The following BAG6 variants were observed in gnomAD, a reference collection of about 807,000 sequenced individuals.
BAG6 encodes BAG cochaperone 6, also known as large proline-rich protein BAG6.
Under a neutral mutation model 121.0 loss-of-function variants are expected in BAG6, and 22 were observed. The observed-to-expected ratio is 0.18, with a 90% CI of 0.13 to 0.26. The LOEUF is 0.26. Among genes scored for constraint, BAG6 ranks in the 10% least tolerant of loss-of-function variants. The pLI is 1.00. For synonymous variants in BAG6, 583 were observed against 584.6 expected, an observed-to-expected ratio of 1.00 and a Z score of 0.04; for missense variants, 1,233 against 1,537.7, an observed-to-expected ratio of 0.80 and a Z score of 3.31.
chr6:31,644,127 C>T lies in BAG6; in HGVS notation c.1623G>A (p.Gln541=). 6.2e-7 allele frequency: 1 copy of T among 1,614,094 alleles called. No individual in the cohort carries two copies. Among genetic ancestry groups the T allele is most frequent in the Non-Finnish European group, 8.5e-7 (1 of 1,179,978 alleles). Residue 541 remains glutamine, a synonymous_variant, in exon 13 of 26, where the codon CAG becomes CAA. Transcript: ENST00000676615. This position sits in a 1 kb window ranked among gnomAD's most constrained non-coding sequence, Gnocchi z 4.9. The part of the protein sequence containing the change: ...RVVIARPTPP[Q]ARPSHPGGPP... ...GCCCTCCAGGATGGGAAGGCCGAGC[C>T]TGTGGAGGAGTGGGCCGGGCAATCA... is the stretch of plus-strand genomic sequence containing the variant.
chr6:31,642,184 T>G lies in BAG6; in HGVS notation c.2263A>C (p.Ser755Arg). The G allele has an allele frequency of 6.2e-7, 1 of 1,612,924 alleles. No individual in the cohort carries two copies. Among genetic ancestry groups the G allele is most frequent in the Non-Finnish European group, 8.5e-7 (1 of 1,180,002 alleles). ...AGGCGTTGTATGAAGGCAGCAATACTTTCACTGCTGCCAGCCCGAGCCCCC... is the reference window on the plus strand; with the variant it reads ...AGGCGTTGTATGAAGGCAGCAATACGTTCACTGCTGCCAGCCCGAGCCCCC... ...SLGARAGSSE[S>R]IAAFIQRLSG... Residue 755 changes from serine to arginine, a missense_variant, in exon 16 of 26, where the codon AGT (serine) becomes CGT (arginine). By Grantham distance (110) the Ser-to-Arg change is moderately radical. Transcript: ENST00000676615.
At position 31,649,408 on chromosome 6, in the gene BAG6, A is replaced by C; in HGVS notation, c.227-13T>G. ...TTTCCCCCAACATCTGCAGAAAAATAGACACACACCAAAACATAGTATGAA... is the reference window on the plus strand; with the variant it reads ...TTTCCCCCAACATCTGCAGAAAAATCGACACACACCAAAACATAGTATGAA... On this transcript the variant is annotated splice_polypyrimidine_tract_variant and intron_variant, in intron 3 of 25. Coordinates refer to ENST00000676615, the MANE Select transcript of BAG6 (RefSeq NM_001387994.1). 1 of 1,603,702 alleles carries C rather than the reference A, an allele frequency of 6.2e-7. No individual in the cohort carries two copies. The highest frequency in any genetic ancestry group is 1.1e-5 in the South Asian group (1 of 90,054).
At chr6:31,648,604 G>A (rs1249028674) in intron 6 of BAG6, 73 bp downstream of exon 6, 1 of 1,456,134 alleles carries the variant, frequency 6.9e-7, no homozygotes, top group Non-Finnish European at 9.6e-7. Flanking sequence ...GGCCAGTGAA[G>A]CCCTAACTCC....
In BAG6 at chr6:31,652,453, G is replaced by A. The variant is rs1324303087; in HGVS notation, c.-43C>T. Reference sequence around the variant, plus strand: ...CACCGACGGCCACTTCCGTTTCCCCGATAGTATTTGGGGATCTCGAAGCGA... The same window carrying A: ...CACCGACGGCCACTTCCGTTTCCCCAATAGTATTTGGGGATCTCGAAGCGA... On this transcript the variant is annotated 5_prime_UTR_variant, in exon 1 of 26. Transcript: ENST00000676615. 6.6e-6 allele frequency: 1 copy of A among 151,962 alleles called. No homozygotes were observed. Among genetic ancestry groups the A allele is most frequent in the Non-Finnish European group, 1.5e-5 (1 of 68,104 alleles). 9.4% of individuals were successfully genotyped at this position (151,962 alleles called of 1,614,324 possible). A position where few individuals can be genotyped will look rare whatever the true frequency, so the allele number is the denominator to read the frequency against.
chr6:31,642,366 G>A lies in BAG6; in HGVS notation c.2081C>T (p.Pro694Leu), dbSNP rs1252103698. ...CTGCTCTGGGGCAGGTGGTGGGGGT[G>A]GAGGAGGTGGGGGTGGTGGAGGGGC... is the stretch of plus-strand genomic sequence containing the variant. ...QTAPPPPPPP[P>L]PPPPAPEQQT... Residue 694 changes from proline to leucine, a missense_variant, in exon 16 of 26, where the codon CCA (proline) becomes CTA (leucine). Around this residue, in one of 7 missense-constraint regions of BAG6, gnomAD observed 777 missense variants for 861.4 expected, o/e 0.90. Transcript: ENST00000676615. The A allele has an allele frequency of 2.7e-6, 3 of 1,117,812 alleles. No individual in the cohort carries two copies. The highest frequency in any genetic ancestry group is 3.9e-6 in the Non-Finnish European group (3 of 775,560). The allele number at this position is 1,117,812 out of a possible 1,614,324, so 69.2% of individuals were successfully genotyped here.
chr6:31,647,643 G>C lies in BAG6; in HGVS notation c.736C>G (p.Pro246Ala), dbSNP rs1791293884. Residue 246 changes from proline to alanine, a missense_variant, in exon 7 of 26, where the codon CCT (proline) becomes GCT (alanine). Transcript: ENST00000676615. ...RAPAQNPELT[P>A]GPAPAGPTPA... ...GTTGGGCCCGCTGGGGCTGGGCCAG[G>C]AGTGAGCTCCGGGTTCTGGGCTGGG... is the stretch of plus-strand genomic sequence containing the variant. The C allele has an allele frequency of 1.9e-6, 3 of 1,606,318 alleles. No individual in the cohort carries two copies. Among genetic ancestry groups the C allele is most frequent in the South Asian group, 2.2e-5 (2 of 90,050 alleles).
intron 15 of BAG6, 21 bp downstream of exon 15, chr6:31,642,808 A>C (rs745549163): frequency 1.2e-6 from 2 of 1,607,198 alleles, no homozygotes; most frequent in Non-Finnish European, 1.7e-6. Flanking sequence ...AGATGAGGTG[A>C]ATGGCAAGCC....
rs190002400 is a variant in BAG6, at chr6:31,646,896, C to A, written c.789-373G>T. On this transcript the variant is annotated intron_variant, in intron 7 of 25. Coordinates refer to ENST00000676615, the MANE Select transcript of BAG6 (RefSeq NM_001387994.1). ...TCACACCATTCTCCTGACTCAGCCT[C>A]CCGAGTAGCTGGGACTACAGGTGCC... Among the ~76,000 whole-genome samples the A allele has an allele frequency of 2.8e-4, 42 of 151,358 alleles. No individual in the cohort carries two copies. In the East Asian group the frequency reaches 7.5e-3, roughly 27 times the overall value.
At position 31,642,416 on chromosome 6, in the gene BAG6, GAAA is replaced by G. The variant is rs1449357238; in HGVS notation, c.2044-16_2044-14del. On this transcript the variant is annotated splice_polypyrimidine_tract_variant and intron_variant, in intron 15 of 25. Transcript: ENST00000676615. ...CTGTCTGTGTTGCCTGGCAAATAAA[GAAA>G]GAACAAAGAACAGAAAGTGAGGTGA... 1.0e-5 allele frequency: 3 copies of G among 292,964 alleles called. No individual in the cohort carries two copies. The African/African-American group carries it at 1.1e-4, about 10-fold the overall frequency. The allele number at this position is 292,964 out of a possible 1,614,324, so 18.1% of individuals were successfully genotyped here. A position where few individuals can be genotyped will look rare whatever the true frequency, so the allele number is the denominator to read the frequency against.
Position 31,642,905 on chromosome 6 carries a change from C to A in BAG6, c.1967G>T (p.Gly656Val), listed in dbSNP as rs766737413. Reference sequence around the variant, plus strand: ...CACAGTGATGGTGGGAGAAGCCACACCAGACCCTCCAGCCCCTGGCCCTGC... The same window carrying A: ...CACAGTGATGGTGGGAGAAGCCACAACAGACCCTCCAGCCCCTGGCCCTGC... Reference protein sequence around the residue: ...GPAGPGAGGSGVASPTITVAM... With the variant: ...GPAGPGAGGSVVASPTITVAM... Residue 656 changes from glycine to valine, a missense_variant, in exon 15 of 26, where the codon GGT becomes GTT. Coordinates refer to ENST00000676615, the MANE Select transcript of BAG6 (RefSeq NM_001387994.1). 4 of 1,611,422 alleles carry A rather than the reference C, an allele frequency of 2.5e-6. No homozygotes were observed. The highest frequency in any genetic ancestry group is 2.2e-5 in the East Asian group (1 of 44,784).
intron 24 of BAG6, 115 bp from the exon 25 acceptor site, chr6:31,639,761 G>GA (rs1780667173): frequency 8.0e-7 from 1 of 1,252,552 alleles, no homozygotes; most frequent in Non-Finnish European, 1.1e-6. Context: ...CTAGTGGAGA[G>GA]AGGGGAAATT....
At chr6:31,647,462 G>T in intron 7 of BAG6, 129 bp downstream of exon 7, 2 of 1,348,756 alleles carry the variant, frequency 1.5e-6, no homozygotes, top group Non-Finnish European at 2.0e-6. Flanking sequence ...GCCCCTCCTC[G>T]CCCCTCAATG....
chr6:31,640,586 C>G lies in BAG6; in HGVS notation c.2995-58G>C. The G allele has an allele frequency of 6.2e-7, 1 of 1,612,666 alleles. No homozygotes were observed. ...CAGAATTTTTAGCCTCCAAACCTTT[C>G]TCCCCCAGCCCTCCACTCCACATTA... On this transcript the variant is annotated intron_variant, in intron 22 of 25. Coordinates refer to ENST00000676615, the MANE Select transcript of BAG6 (RefSeq NM_001387994.1). The surrounding 1 kb of genome is among the most constrained non-coding windows in gnomAD (Gnocchi z 4.2).
At position 31,640,238 on chromosome 6, in the gene BAG6, A is replaced by G. The variant is rs1288362521; in HGVS notation, c.3207T>C (p.Ser1069=). ...CAGGCATACCACTGAGGTAGGCATC[A>G]CTCAGAGGGGGCTGCGGTTTCACCT... ...QRKVKPQPPL[S]DAYLSGMPAK... is the part of the protein sequence containing the mutation. Residue 1069 remains serine (S), a synonymous_variant, in exon 24 of 26, where the codon AGT becomes AGC. Transcript: ENST00000676615. The surrounding 1 kb of genome is among the most constrained non-coding windows in gnomAD (Gnocchi z 4.2). The G allele has an allele frequency of 2.5e-6, 4 of 1,614,188 alleles. No homozygotes were observed. Among genetic ancestry groups the G allele is most frequent in the Non-Finnish European group, 3.4e-6 (4 of 1,180,024 alleles).
chr6:31,645,146 G>T lies in BAG6; in HGVS notation c.1169C>A (p.Pro390Gln), dbSNP rs755599574. 2.5e-6 allele frequency: 4 copies of T among 1,611,348 alleles called. No individual in the cohort carries two copies. The highest frequency in any genetic ancestry group is 1.7e-6 in the Non-Finnish European group (2 of 1,179,260). Reference protein sequence around the residue: ...TMTGNGTRPPPTPNAEAPPPG... With the variant: ...TMTGNGTRPPQTPNAEAPPPG... Reference sequence around the variant, plus strand: ...GGGAGGTGCCTCTGCATTGGGAGTTGGGGGGGGCCGAGTCCCATTTCCTGT... The same window carrying T: ...GGGAGGTGCCTCTGCATTGGGAGTTTGGGGGGGCCGAGTCCCATTTCCTGT... Residue 390 changes from proline (P) to glutamine (Q), a missense_variant, in exon 10 of 26, where the codon CCA becomes CAA. Transcript: ENST00000676615.
At chr6:31,646,559 T>C (rs766676998) in intron 7 of BAG6, 36 bp from the exon 8 acceptor site, 8 of 1,604,070 alleles carry the variant, frequency 5.0e-6, no homozygotes, top group Admixed American at 1.7e-5. Flanking sequence ...AGCCAAAGCC[T>C]TCCTCAGATT....
intron 6 of BAG6, 39 bp downstream of exon 6, chr6:31,648,638 G>A (rs1413354168): frequency 6.3e-7 from 1 of 1,598,246 alleles, no homozygotes; most frequent in Non-Finnish European, 8.6e-7. Flanking sequence ...AAGGGAGAGG[G>A]AGGGTGGAGA....
chr6:31,642,088 A>C, intron 16 of BAG6, 24 bp downstream of exon 16: 2 of 1,606,942 alleles, frequency 1.2e-6, no homozygotes, highest in Non-Finnish European at 1.7e-6. Flanking sequence ...TCCTGGAGCA[A>C]GCCAAAGCAT....
rs765397678 is a variant in BAG6 at position 31,639,213 on chromosome 6, A to G, written c.3407T>C (p.Ile1136Thr). ...GGGGTCTTCCTGCAGTCGTTTTTGT[A>G]TATCAGACCGGAGCTAAAGAGAAAA... The part of the protein sequence containing the change: ...ESYRQQLRSD[I>T]QKRLQEDPNY... Residue 1136 changes from isoleucine (I) to threonine (T), a missense_variant, in exon 26 of 26, where the codon ATA becomes ACA. By Grantham distance (89) the Ile-to-Thr change is moderately conservative. This residue lies in a region of BAG6 where 102 missense variants were observed against 103.2 expected (regional missense o/e 0.99). Coordinates refer to ENST00000676615, the MANE Select transcript of BAG6 (RefSeq NM_001387994.1). The G allele has an allele frequency of 1.4e-5, 22 of 1,559,044 alleles. No homozygotes were observed. Among genetic ancestry groups the G allele is most frequent in the South Asian group, 3.3e-5 (3 of 90,234 alleles).
Sources: allele counts gnomAD v4.1 joint callset (sites outside exome capture counted in the v4.1 genomes callset), GRCh38; gene constraint gnomAD v4.1.1; regional missense constraint gnomAD v4.1.1; non-coding constraint Gnocchi (gnomAD v3.1); transcripts MANE v1.5; gene names NCBI Gene and HGNC (gene_info 2026-07-23, HGNC 2026-07-21).